The following ARSK variants were observed in gnomAD, a reference collection of about 807,000 sequenced individuals.
ARSK encodes the protein arylsulfatase K.
ARSK carries 37 observed loss-of-function variants against 53.2 expected under a neutral mutation model. The ratio of observed to expected loss-of-function variants is 0.70; its 90% CI spans 0.54 to 0.92. ARSK has a LOEUF of 0.92. ARSK is among the 40% of genes least tolerant of loss of function. ARSK has a pLI of 0.00. For synonymous variants in ARSK, 208 were observed against 223.2 expected (o/e 0.93, Z 0.61); for missense variants, 613 against 643.0 (o/e 0.95, Z 0.51).
intron 4 of ARSK, among the ~76,000 whole-genome samples, chr5:95,584,159 T>G (rs1749068950): frequency 6.6e-6 from 1 of 152,246 alleles, no homozygotes; most frequent in African/African-American, 2.4e-5. Flanking sequence ...CTTCATTATC[T>G]GTTTTTATAA....
chr5:95,562,340 C>G (rs1183109377), intron 1 of ARSK, among the ~76,000 whole-genome samples: 1 of 152,236 alleles, frequency 6.6e-6, no homozygotes, highest in Non-Finnish European at 1.5e-5. Flanking sequence ...GCCACTGCAC[C>G]TGTATCAGTT....
At position 95,603,252 on chromosome 5, in the gene ARSK, C is replaced by T. The variant is rs1452658742; in HGVS notation, c.1337C>T (p.Pro446Leu). The T allele has an allele frequency of 1.3e-6, 2 of 1,573,082 alleles. No homozygotes were observed. Among genetic ancestry groups the T allele is most frequent in the South Asian group, 1.2e-5 (1 of 81,788 alleles). ...LPQLFDLSSD[P>L]DELTNVAVKF... ...TTTCTTTCAGATCTTTCCTCGGATC[C>T]AGATGAATTAACAAATGTTGCTGTA... The change falls in exon 8 of 8, where the codon CCA (proline) becomes CTA (leucine). Residue 446 changes from proline (P) to leucine (L), a missense_variant. Physicochemically the swap from Pro to Leu is moderately conservative, Grantham distance 98. Coordinates refer to ENST00000380009, the MANE Select transcript of ARSK (RefSeq NM_198150.3).
At position 95,604,971 on chromosome 5, in the gene ARSK, T is replaced by C. The variant is rs1295355416; in HGVS notation, c.*1445T>C. ...TCTGGTATTTTTTGATATGTAGAAA[T>C]TTTTATTTTCATGTAAGCAAATTTA... On this transcript the variant is annotated 3_prime_UTR_variant, in exon 8 of 8. Coordinates refer to ENST00000380009, the MANE Select transcript of ARSK (RefSeq NM_198150.3). 2.0e-5 allele frequency: 3 copies of C among 152,240 alleles called. No individual in the cohort carries two copies. Among genetic ancestry groups the C allele is most frequent in the African/African-American group, 7.2e-5 (3 of 41,476 alleles). The allele number at this position is 152,240 out of a possible 1,614,324, so 9.4% of individuals were successfully genotyped here.
Position 95,591,594 on chromosome 5 carries a change from T to G in ARSK, c.1065T>G (p.Val355=). Residue 355 remains valine (V), a synonymous_variant, in exon 6 of 8, where the codon GTT becomes GTG. Coordinates refer to ENST00000380009, the MANE Select transcript of ARSK (RefSeq NM_198150.3). The stretch of plus-strand genomic sequence containing the variant: ...CCGGCCTACAAGTATCAAATGTGGT[T>G]TCTCTTGTGGATATTTACCCTACCA... The part of the protein sequence containing the change: ...IKAGLQVSNV[V]SLVDIYPTML... The G allele has an allele frequency of 6.2e-7, 1 of 1,614,172 alleles. No homozygotes were observed. Among genetic ancestry groups the G allele is most frequent in the Non-Finnish European group, 8.5e-7 (1 of 1,180,000 alleles).
rs761369254 is a variant in ARSK at position 95,601,044 on chromosome 5, G to C, written c.1294G>C (p.Gly432Arg). ...NHWKYIAYSD[G>R]ASILPQLFDL... ...CTGGAAATATATAGCCTATTCGGATGGTGCATCAATATTGCCTCAACTCTT... is the reference window on the plus strand; with the variant it reads ...CTGGAAATATATAGCCTATTCGGATCGTGCATCAATATTGCCTCAACTCTT... The change falls in exon 7 of 8, where the codon GGT becomes CGT. Residue 432 changes from glycine to arginine, a missense_variant. Physicochemically the swap from Gly to Arg is moderately radical, Grantham distance 125 (BLOSUM62 -2). Transcript: ENST00000380009. 1 of 1,613,730 alleles carries C rather than the reference G, an allele frequency of 6.2e-7. No individual in the cohort carries two copies. The highest frequency in any genetic ancestry group is 8.5e-7 in the Non-Finnish European group (1 of 1,179,782).
Position 95,604,732 on chromosome 5 carries a change from T to G in ARSK, c.*1206T>G, listed in dbSNP as rs1326938137. Reference sequence around the variant, plus strand: ...AAAATGTTCTATTTTTATTTTTCTTTTTATGAGTAACGTAGAGCATATTTT... The same window carrying G: ...AAAATGTTCTATTTTTATTTTTCTTGTTATGAGTAACGTAGAGCATATTTT... On this transcript the variant is annotated 3_prime_UTR_variant, in exon 8 of 8. Transcript: ENST00000380009. 2.0e-5 allele frequency: 3 copies of G among 152,242 alleles called. No homozygotes were observed. In the East Asian group the frequency reaches 5.8e-4, roughly 29 times the overall value. The allele number at this position is 152,242 out of a possible 1,614,324, so 9.4% of individuals were successfully genotyped here.
intron 5 of ARSK, among the ~76,000 whole-genome samples, chr5:95,588,903 A>T (rs1400895529): frequency 6.6e-6 from 1 of 152,162 alleles, no homozygotes; most frequent in Non-Finnish European, 1.5e-5. Flanking sequence ...CGGAGGTTGC[A>T]GTGAACCAAG....
intron 6 of ARSK, 28 bp downstream of exon 6, chr5:95,591,653 A>G (rs1749219251): frequency 6.2e-7 from 1 of 1,602,736 alleles, no homozygotes; most frequent in African/African-American, 1.3e-5. Flanking sequence ...GTAAATATTT[A>G]TTTGTAATAA....
At chr5:95,581,200 C>CT (rs1340084268) in intron 3 of ARSK, among the ~76,000 whole-genome samples, 1 of 152,054 alleles carries the variant, frequency 6.6e-6, no homozygotes, top group Non-Finnish European at 1.5e-5. Flanking sequence ...CCAAAATTAA[C>CT]TTTATTTGAG....
intron 6 of ARSK, among the ~76,000 whole-genome samples, chr5:95,595,581 A>G (rs1319633334): frequency 6.7e-6 from 1 of 149,824 alleles, no homozygotes; most frequent in East Asian, 2.0e-4. Flanking sequence ...AAAACCAAAT[A>G]CCGGATGTTC....
chr5:95,602,968 A>G (rs1749428281), intron 7 of ARSK, among the ~76,000 whole-genome samples: 2 of 152,154 alleles, frequency 1.3e-5, no homozygotes, highest in South Asian at 4.1e-4. Context: ...CTTACTAATG[A>G]TAAAAGTTTG....
Position 95,579,788 on chromosome 5 carries a change from T to C in ARSK, c.417-3128T>C, listed in dbSNP as rs189654788. On this transcript the variant is annotated intron_variant, in intron 3 of 7. Transcript: ENST00000380009. ...GACATTGGGCCACTTAAGAGGGGCA[T>C]GATATAATGAAACACTGAAGCCTCT... 4.6e-5 allele frequency among the ~76,000 whole-genome samples: 7 copies of C among 152,318 alleles called. No homozygotes were observed. In the East Asian group the frequency reaches 1.4e-3, roughly 29 times the overall value.
intron 6 of ARSK, among the ~76,000 whole-genome samples, chr5:95,597,847 T>A (rs577849857): frequency 1.3e-5 from 2 of 148,534 alleles, no homozygotes; most frequent in East Asian, 4.0e-4. Context: ...TGAGCCAAGA[T>A]TGCGCCACTG....
intron 6 of ARSK, chr5:95,600,546 G>T: frequency 2.0e-6 from 1 of 499,626 alleles, no homozygotes; most frequent in South Asian, 1.6e-5. Flanking sequence ...AGAGTTCTTA[G>T]AATTTTACAT....
At chr5:95,568,110 T>C in intron 3 of ARSK, 61 bp downstream of exon 3, 1 of 1,463,400 alleles carries the variant, frequency 6.8e-7, no homozygotes, top group East Asian at 2.3e-5. Flanking sequence ...GTACATGTAC[T>C]CTTTTTGACT....
chr5:95,587,062 A>C (rs2112437164), intron 5 of ARSK, among the ~76,000 whole-genome samples: 1 of 152,334 alleles, frequency 6.6e-6, no homozygotes, highest in South Asian at 2.1e-4. Flanking sequence ...GTGATTGGTA[A>C]TTGTAAGGCA....
intron 6 of ARSK, among the ~76,000 whole-genome samples, chr5:95,596,515 TA>T (rs1749310319): frequency 6.6e-6 from 1 of 152,166 alleles, no homozygotes; most frequent in African/African-American, 2.4e-5. Context: ...ATTTGACTTT[TA>T]AAATATTTGA....
At chr5:95,586,380 T>C (rs919390807) in intron 4 of ARSK, among the ~76,000 whole-genome samples, 182 bp from the exon 5 acceptor site, 3 of 152,222 alleles carry the variant, frequency 2.0e-5, no homozygotes, top group Admixed American at 6.5e-5. Context: ...CCTTTTGTTA[T>C]GACAGTATTA....
At chr5:95,566,970 A>T (rs1188578558) in intron 2 of ARSK, among the ~76,000 whole-genome samples, 1 of 152,224 alleles carries the variant, frequency 6.6e-6, no homozygotes, top group African/African-American at 2.4e-5. Context: ...TCAATAATGA[A>T]GGACCAGGCA....
Sources: gnomAD v4.1 joint callset for allele counts (sites outside exome capture counted in the v4.1 genomes callset) on GRCh38, gnomAD v4.1.1 for gene constraint, MANE v1.5 for transcripts, NCBI Gene and HGNC (gene_info 2026-07-23, HGNC 2026-07-21) for gene names.